Variants in USP49 observed in about 807,000 individuals in gnomAD.
USP49 encodes ubiquitin carboxyl-terminal hydrolase 49.
A neutral mutation model predicts 58.6 loss-of-function variants in USP49; 24 were observed. That is an observed-to-expected ratio of 0.41 (90% CI 0.30 to 0.58). USP49 has a LOEUF of 0.58. Ranked by LOEUF, USP49 falls within the 20% of genes least tolerant of loss-of-function variation. The pLI, the probability that USP49 is intolerant of heterozygous loss-of-function variation, is 0.30. For missense variants in USP49, 703 were observed against 866.1 expected (o/e 0.81, Z 2.36); for synonymous variants, 408 against 365.1 (o/e 1.12, Z -1.34).
rs377715698 is a variant in USP49 at position 41,813,326 on chromosome 6, T to C, written c.-28-6315A>G. ...CCTTGATGTGTCTTCAGGAATTTAA[T>C]TGCTACCAAGATCTTATCATATGAA... On this transcript the variant is annotated intron_variant, in intron 3 of 7. Coordinates refer to ENST00000682992, the MANE Select transcript of USP49 (RefSeq NM_001286554.2). Among the ~76,000 whole-genome samples, 8 of 152,282 alleles carry C rather than the reference T, an allele frequency of 5.3e-5. No individual in the cohort carries two copies. The East Asian group carries it at 9.6e-4, about 18-fold the overall frequency.
At chr6:41,895,024 C>T (rs959042484) in intron 1 of USP49, among the ~76,000 whole-genome samples, 1 of 148,806 alleles carries the variant, frequency 6.7e-6, no homozygotes, top group African/African-American at 2.4e-5. Flanking sequence ...CTCTCGCCTC[C>T]CGCCGCCCCC....
rs1052328736 is a variant in USP49, at chr6:41,792,234, T to A, written c.*4299A>T. On this transcript the variant is annotated 3_prime_UTR_variant, in exon 8 of 8. Transcript: ENST00000682992. ...CTTTTGCACCACTCCCTTTGCATAT[T>A]ACACAGTGCACTGGCTTGCCTTACA... The A allele has an allele frequency of 6.6e-6, 1 of 152,242 alleles. No individual in the cohort carries two copies. Among genetic ancestry groups the A allele is most frequent in the African/African-American group, 2.4e-5 (1 of 41,464 alleles). The allele number at this position is 152,242 out of a possible 1,614,324, so 9.4% of individuals were successfully genotyped here. A position where few individuals can be genotyped will look rare whatever the true frequency, so the allele number is the denominator to read the frequency against.
intron 2 of USP49, among the ~76,000 whole-genome samples, chr6:41,878,869 A>G (rs1227553117): frequency 6.6e-6 from 1 of 152,182 alleles, no homozygotes; most frequent in African/African-American, 2.4e-5. Flanking sequence ...AGAGGGCCCA[A>G]TTTCATTAGG....
intron 2 of USP49, among the ~76,000 whole-genome samples, chr6:41,874,442 G>A (rs1774466814): frequency 6.6e-6 from 1 of 152,166 alleles, no homozygotes; most frequent in Admixed American, 6.5e-5. Context: ...TGATGATGAT[G>A]ATGGTGATTG....
intron 3 of USP49, among the ~76,000 whole-genome samples, chr6:41,857,911 C>T (rs1336726347): frequency 1.3e-5 from 2 of 152,176 alleles, no homozygotes; most frequent in Non-Finnish European, 2.9e-5. Context: ...CAGACACAGT[C>T]AAAGTGACTT....
chr6:41,826,262 C>A (rs1052620207), intron 3 of USP49, among the ~76,000 whole-genome samples: 2 of 151,960 alleles, frequency 1.3e-5, no homozygotes, highest in Non-Finnish European at 2.9e-5. Context: ...GCAAGTGAGA[C>A]CCCATCTCAA....
intron 3 of USP49, among the ~76,000 whole-genome samples, chr6:41,809,947 C>G (rs1313382014): frequency 2.0e-5 from 3 of 149,340 alleles, no homozygotes; most frequent in East Asian, 2.0e-4. Context: ...GTCAGAGGAT[C>G]GAGACCATCC....
chr6:41,874,700 C>T (rs74864252), intron 2 of USP49, among the ~76,000 whole-genome samples: 1 of 152,306 alleles, frequency 6.6e-6, no homozygotes, highest in African/African-American at 2.4e-5. Flanking sequence ...CAGTAGCTTA[C>T]GTCTGTAATC....
In USP49 at chr6:41,803,297, T is replaced by TTTG. The variant is rs140001289; in HGVS notation, c.1561+506_1561+508dup. 2.7e-4 allele frequency among the ~76,000 whole-genome samples: 41 copies of TTTG among 151,622 alleles called. No homozygotes were observed. The highest frequency in any genetic ancestry group is 8.3e-4 in the South Asian group (4 of 4,800). Reference sequence around the variant, plus strand: ...AATCAACTCCTAGGTCTTTGTTTCATTTGTTGTTGTTGTTGTTGTTGTTTG... The same window carrying TTTG: ...AATCAACTCCTAGGTCTTTGTTTCATTTGTTGTTGTTGTTGTTGTTGTTGTTTG... On this transcript the variant is annotated intron_variant, in intron 5 of 7. Transcript: ENST00000682992. This position sits in a 1 kb window ranked among gnomAD's most constrained non-coding sequence, Gnocchi z 4.1.
intron 3 of USP49, among the ~76,000 whole-genome samples, chr6:41,847,069 G>C (rs1773936740): frequency 6.6e-6 from 1 of 152,230 alleles, no homozygotes; most frequent in Non-Finnish European, 1.5e-5. Flanking sequence ...ACTAGACAAA[G>C]ACTTGGACAG....
At chr6:41,798,601 A>C in intron 7 of USP49, 123 bp downstream of exon 7, 3 of 1,584,660 alleles carry the variant, frequency 1.9e-6, no homozygotes, top group Non-Finnish European at 2.6e-6. Context: ...TTTCCACTGG[A>C]TTTTTGATGT....
At chr6:41,870,541 T>C (rs1561923698) in intron 3 of USP49, among the ~76,000 whole-genome samples, 1 of 151,232 alleles carries the variant, frequency 6.6e-6, no homozygotes. Flanking sequence ...GAGCTTTCTG[T>C]AGAATTCTAT....
chr6:41,889,891 C>T (rs908635001), intron 2 of USP49, among the ~76,000 whole-genome samples: 3 of 152,030 alleles, frequency 2.0e-5, no homozygotes, highest in Admixed American at 1.3e-4. Flanking sequence ...ATTGGTGAAA[C>T]TGAGTAAGGG....
chr6:41,857,832 A>T (rs747900831), intron 3 of USP49, among the ~76,000 whole-genome samples: 1 of 152,238 alleles, frequency 6.6e-6, no homozygotes, highest in East Asian at 1.9e-4. Context: ...CATTACATGC[A>T]TACTTACATA....
At chr6:41,841,181 AC>A (rs1773821441) in intron 3 of USP49, among the ~76,000 whole-genome samples, 1 of 151,830 alleles carries the variant, frequency 6.6e-6, no homozygotes, top group African/African-American at 2.4e-5. Context: ...TTGCCTTCTC[AC>A]CTTTGTTCAT....
chr6:41,823,035 T>A (rs1773477473), intron 3 of USP49, among the ~76,000 whole-genome samples: 1 of 152,050 alleles, frequency 6.6e-6, no homozygotes, highest in African/African-American at 2.4e-5. Flanking sequence ...CAGTTATTTT[T>A]AAAAAACTAA....
At chr6:41,810,006 G>GC (rs1452024334) in intron 3 of USP49, among the ~76,000 whole-genome samples, 2 of 149,720 alleles carry the variant, frequency 1.3e-5, no homozygotes, top group African/African-American at 2.5e-5. Flanking sequence ...CAAAAAATTA[G>GC]CCGGGCGCGG....
At position 41,806,134 on chromosome 6, in the gene USP49, G is replaced by C. The variant is rs774263154; in HGVS notation, c.850C>G (p.Leu284Val). ...LQKFRECFLN[L>V]DPSKTEHLFP... is the part of the protein sequence containing the mutation. Reference sequence around the variant, plus strand: ...AGATGTTCCGTTTTGGAAGGGTCAAGGTTGAGGAAACATTCTCGGAACTTC... The same window carrying C: ...AGATGTTCCGTTTTGGAAGGGTCAACGTTGAGGAAACATTCTCGGAACTTC... Residue 284 changes from leucine (L) to valine (V), a missense_variant, in exon 4 of 8, where the codon CTT (leucine) becomes GTT (valine). Physicochemically the swap from Leu to Val is conservative, Grantham distance 32 (BLOSUM62 1). Around this residue, in one of 6 missense-constraint regions of USP49, gnomAD observed 97 missense variants for 88.0 expected, o/e 1.10. Transcript: ENST00000682992. The surrounding 1 kb of genome is among the most constrained non-coding windows in gnomAD (Gnocchi z 5.9). 39 of 1,613,748 alleles carry C rather than the reference G, an allele frequency of 2.4e-5. No homozygotes were observed. Among genetic ancestry groups the C allele is most frequent in the Non-Finnish European group, 3.2e-5 (38 of 1,180,060 alleles).
In USP49 at chr6:41,805,683, G is replaced by A; in HGVS notation, c.1301C>T (p.Thr434Ile). 1.2e-6 allele frequency: 2 copies of A among 1,614,150 alleles called. No individual in the cohort carries two copies. The highest frequency in any genetic ancestry group is 2.2e-5 in the East Asian group (1 of 44,868). ...ILIPFSQRKL[T>I]KQVLKVVNTI... ...ATTCACCACCTTTAAGACCTGTTTG[G>A]TGAGCTTCCTCTGGGAGAAGGGGAT... The change falls in exon 4 of 8, where the codon ACC becomes ATC. Residue 434 changes from threonine to isoleucine, a missense_variant. Coordinates refer to ENST00000682992, the MANE Select transcript of USP49 (RefSeq NM_001286554.2).
Sources: gnomAD v4.1 joint callset for allele counts (sites outside exome capture counted in the v4.1 genomes callset) on GRCh38, gnomAD v4.1.1 for gene constraint, gnomAD v4.1.1 regional missense constraint, Gnocchi (gnomAD v3.1) non-coding constraint, MANE v1.5 for transcripts, NCBI Gene and HGNC (gene_info 2026-07-23, HGNC 2026-07-21) for gene names.